MCTP1: variants seen among roughly 807,000 people sequenced by gnomAD.
MCTP1 encodes multiple C2 and transmembrane domain containing 1, also known as multiple C2 and transmembrane domain-containing protein 1.
In MCTP1, 69 loss-of-function variants were observed where a neutral mutation model predicts 120.6. The observed-to-expected ratio is 0.57, with a 90% CI of 0.47 to 0.70. MCTP1 has a LOEUF of 0.70. Among genes scored for constraint, MCTP1 ranks in the 30% least tolerant of loss-of-function variants. The pLI is 0.00. For synonymous variants in MCTP1, 529 were observed against 493.1 expected, an observed-to-expected ratio of 1.07 and a Z score of -0.96; for missense variants, 1,203 against 1,248.8, an observed-to-expected ratio of 0.96 and a Z score of 0.55.
At chr5:95,208,396 C>T (rs535131563) in intron 1 of MCTP1, among the ~76,000 whole-genome samples, 15 of 152,064 alleles carry the variant, frequency 9.9e-5, no homozygotes, top group Non-Finnish European at 2.1e-4. Context: ...CAGCCAACTG[C>T]CATTTTTTAA....
At position 95,124,516 on chromosome 5, in the gene MCTP1, T is replaced by C. The variant is rs187750686; in HGVS notation, c.721-107032A>G. On this transcript the variant is annotated intron_variant, in intron 1 of 22. Transcript: ENST00000515393. ...GATGTTAGGTTCTGAAATGTAGTAC[T>C]TGCTTGTTTGAATATGAGTAAGATT... Among the ~76,000 whole-genome samples the C allele has an allele frequency of 2.5e-3, 383 of 152,352 alleles. 7 individuals are homozygous for C. The highest frequency in any genetic ancestry group is 6.9e-4 in the Non-Finnish European group (47 of 68,028).
At chr5:94,978,677 T>C (rs1225363012) in intron 2 of MCTP1, among the ~76,000 whole-genome samples, 1 of 152,058 alleles carries the variant, frequency 6.6e-6, no homozygotes, top group African/African-American at 2.4e-5. Flanking sequence ...AGTAGAATGG[T>C]GGATGCCAAG....
chr5:94,753,477 T>C (rs897630210), intron 19 of MCTP1, among the ~76,000 whole-genome samples: 1 of 152,216 alleles, frequency 6.6e-6, no homozygotes, highest in Non-Finnish European at 1.5e-5. Flanking sequence ...CGTGTAAAGG[T>C]TGTTTTAGAA....
intron 1 of MCTP1, among the ~76,000 whole-genome samples, chr5:95,060,465 T>A (rs982494003): frequency 2.0e-5 from 3 of 152,190 alleles, no homozygotes; most frequent in Non-Finnish European, 4.4e-5. Flanking sequence ...GTAAACACCT[T>A]GCAGAGCATA....
chr5:94,980,898 A>T (rs1581682624), intron 2 of MCTP1: 1 of 152,284 alleles, frequency 6.6e-6, no homozygotes, highest in Admixed American at 6.5e-5. Flanking sequence ...TTATCATATT[A>T]TTCCATATAG....
chr5:95,271,255 C>G (rs539994031), intron 1 of MCTP1, among the ~76,000 whole-genome samples: 1 of 152,096 alleles, frequency 6.6e-6, no homozygotes, highest in Non-Finnish European at 1.5e-5. Context: ...AGAGCCACTG[C>G]GAGACATTAG....
chr5:94,940,148 T>C lies in MCTP1; in HGVS notation c.1109A>G (p.His370Arg), dbSNP rs779224590. ...LTLKDPHYPD[H>R]DLGIILLSVI... Reference sequence around the variant, plus strand: ...TGAGAGCAAAATGATTCCAAGATCATGGTCAGGATAATGAGGATCTTTCAG... The same window carrying C: ...TGAGAGCAAAATGATTCCAAGATCACGGTCAGGATAATGAGGATCTTTCAG... Residue 370 changes from histidine to arginine, a missense_variant, in exon 5 of 23, where the codon CAT becomes CGT. Physicochemically the swap from His to Arg is conservative, Grantham distance 29 (BLOSUM62 0). Transcript: ENST00000515393. 3 of 1,609,994 alleles carry C rather than the reference T, an allele frequency of 1.9e-6. No individual in the cohort carries two copies. Among genetic ancestry groups the C allele is most frequent in the East Asian group, 2.2e-5 (1 of 44,778 alleles).
chr5:94,808,202 A>C (rs1580793703), intron 17 of MCTP1, among the ~76,000 whole-genome samples: 1 of 152,208 alleles, frequency 6.6e-6, no homozygotes, highest in East Asian at 1.9e-4. Flanking sequence ...TGGCACCACC[A>C]CCTGTTCAAA....
chr5:94,807,997 T>C (rs74529765), intron 17 of MCTP1, among the ~76,000 whole-genome samples: 2,400 of 152,302 alleles, frequency 0.016, 28 homozygotes, highest in Middle Eastern at 0.034. Context: ...GAAAAAATTG[T>C]CCTTATAAGC....
intron 17 of MCTP1, among the ~76,000 whole-genome samples, chr5:94,806,473 C>G (rs1047749861): frequency 6.6e-6 from 1 of 152,102 alleles, no homozygotes; most frequent in Non-Finnish European, 1.5e-5. Flanking sequence ...GCAAGACATG[C>G]ATGATTTTGA....
chr5:95,264,885 G>A (rs1409443821), intron 1 of MCTP1, among the ~76,000 whole-genome samples: 6 of 152,182 alleles, frequency 3.9e-5, no homozygotes, highest in Non-Finnish European at 5.9e-5. Flanking sequence ...AGAAAGAAAG[G>A]TGGCAGGGGG....
chr5:94,873,467 A>G (rs1798204278), intron 12 of MCTP1, among the ~76,000 whole-genome samples: 1 of 152,040 alleles, frequency 6.6e-6, no homozygotes, highest in South Asian at 2.1e-4. Flanking sequence ...GAAAAAAGTA[A>G]AAGAGACAAA....
chr5:95,207,827 G>T (rs1017387725), intron 1 of MCTP1, among the ~76,000 whole-genome samples: 9 of 151,732 alleles, frequency 5.9e-5, no homozygotes, highest in African/African-American at 9.7e-5. Flanking sequence ...ATGAAGGAGA[G>T]AAATTAACAA....
At chr5:95,048,855 T>C (rs1279500779) in intron 1 of MCTP1, among the ~76,000 whole-genome samples, 1 of 152,162 alleles carries the variant, frequency 6.6e-6, no homozygotes, top group Non-Finnish European at 1.5e-5. Flanking sequence ...TCTTCCTCCT[T>C]GTAGAAAAGA....
intron 1 of MCTP1, among the ~76,000 whole-genome samples, chr5:95,180,480 C>G (rs901596327): frequency 6.6e-6 from 1 of 152,248 alleles, no homozygotes; most frequent in African/African-American, 2.4e-5. Context: ...TCCTTCTTCA[C>G]ATGTTACTAA....
At chr5:94,786,972 G>T (rs984167368) in intron 18 of MCTP1, among the ~76,000 whole-genome samples, 2 of 152,182 alleles carry the variant, frequency 1.3e-5, no homozygotes, top group African/African-American at 4.8e-5. Flanking sequence ...ACATTTTCAT[G>T]TTCCATTCTG....
At chr5:95,202,894 AT>A (rs1355067094) in intron 1 of MCTP1, among the ~76,000 whole-genome samples, 1 of 151,818 alleles carries the variant, frequency 6.6e-6, no homozygotes, top group Non-Finnish European at 1.5e-5. Flanking sequence ...GACCCAACTA[AT>A]TTTTTGTATT....
At chr5:95,175,535 A>G (rs1226919540) in intron 1 of MCTP1, among the ~76,000 whole-genome samples, 8 of 152,214 alleles carry the variant, frequency 5.3e-5, no homozygotes, top group Admixed American at 5.2e-4. Context: ...TTAAAAGAAT[A>G]TCCAAAGTAA....
At chr5:94,782,853 A>C (rs1035741976) in intron 18 of MCTP1, among the ~76,000 whole-genome samples, 1 of 152,176 alleles carries the variant, frequency 6.6e-6, no homozygotes, top group African/African-American at 2.4e-5. Flanking sequence ...ACGAAAAATC[A>C]TGTAGTAGAA....
Sources: allele counts gnomAD v4.1 joint callset (sites outside exome capture counted in the v4.1 genomes callset), GRCh38; gene constraint gnomAD v4.1.1; transcripts MANE v1.5; gene names NCBI Gene and HGNC (gene_info 2026-07-23, HGNC 2026-07-21).